PTPN9: variants seen among roughly 807,000 people sequenced by gnomAD.
PTPN9 encodes protein tyrosine phosphatase non-receptor type 9.
A neutral mutation model predicts 69.8 loss-of-function variants in PTPN9; 26 were observed. The ratio of observed to expected loss-of-function variants is 0.37; its 90% CI spans 0.27 to 0.52. The LOEUF is 0.52. PTPN9 is among the 20% of genes least tolerant of loss of function. The pLI is 0.91. For missense variants in PTPN9, 549 were observed against 740.3 expected, an observed-to-expected ratio of 0.74 and a Z score of 3.00; for synonymous variants, 274 against 272.5, an observed-to-expected ratio of 1.01 and a Z score of -0.05.
intron 5 of PTPN9, among the ~76,000 whole-genome samples, chr15:75,516,880 G>A (rs761390748): frequency 6.6e-6 from 1 of 151,578 alleles, no homozygotes; most frequent in East Asian, 1.9e-4. Flanking sequence ...GAGTACCTGG[G>A]ACTATAGGCA....
chr15:75,497,490 C>T (rs1488420785), intron 7 of PTPN9, among the ~76,000 whole-genome samples: 1 of 152,092 alleles, frequency 6.6e-6, no homozygotes, highest in African/African-American at 2.4e-5. Flanking sequence ...AGAGCAAGAA[C>T]ACATGTCTCT....
At chr15:75,522,133 C>G (rs2074908020) in intron 4 of PTPN9, among the ~76,000 whole-genome samples, 1 of 152,032 alleles carries the variant, frequency 6.6e-6, no homozygotes, top group South Asian at 2.1e-4. Context: ...ATAACTCTGC[C>G]CAAGAGTGAA....
In PTPN9 at chr15:75,535,143, G is replaced by C. The variant is rs181607641; in HGVS notation, c.64-7882C>G. The stretch of plus-strand genomic sequence containing the variant: ...TCCTGAGTAGCTGGGACTACAGGCG[G>C]CCGCCACCATGCCTGGCTATTTTTT... On this transcript the variant is annotated intron_variant, in intron 1 of 12. Coordinates refer to ENST00000618819, the MANE Select transcript of PTPN9 (RefSeq NM_002833.4). 8.7e-4 allele frequency among the ~76,000 whole-genome samples: 132 copies of C among 151,698 alleles called. 2 individuals carry two copies. The highest frequency in any genetic ancestry group is 3.1e-3 in the African/African-American group (128 of 41,418).
intron 1 of PTPN9, 48 bp downstream of exon 1, chr15:75,578,666 C>T: frequency 1.5e-6 from 2 of 1,310,352 alleles, no homozygotes; most frequent in Non-Finnish European, 2.0e-6. Flanking sequence ...CCGGCGTAGG[C>T]CTCGGGGGCC....
chr15:75,565,622 G>C (rs1439664621), intron 1 of PTPN9, among the ~76,000 whole-genome samples: 1 of 152,132 alleles, frequency 6.6e-6, no homozygotes, highest in South Asian at 2.1e-4. Context: ...TAGGGAACCA[G>C]AGATAAACAA....
At chr15:75,552,429 A>G (rs1352869968) in intron 1 of PTPN9, among the ~76,000 whole-genome samples, 1 of 152,010 alleles carries the variant, frequency 6.6e-6, no homozygotes, top group Non-Finnish European at 1.5e-5. Context: ...ACAAAACAAA[A>G]CAAAAAAACA....
chr15:75,487,330 AAAAAACT>A (rs1204520390), intron 8 of PTPN9: 2 of 151,728 alleles, frequency 1.3e-5, no homozygotes, highest in South Asian at 2.1e-4. Context: ...AATAATGTCA[AAAAAACT>A]AAAAACTAAA....
At chr15:75,469,531 A>G (rs1029324118) in intron 12 of PTPN9, among the ~76,000 whole-genome samples, 8 of 152,232 alleles carry the variant, frequency 5.3e-5, no homozygotes, top group African/African-American at 1.9e-4. Context: ...CTGCAGTGAC[A>G]GTTCTAACAG....
chr15:75,505,166 C>G lies in PTPN9; in HGVS notation c.968+509G>C, dbSNP rs543944895. Reference sequence around the variant, plus strand: ...TTGATCGGTGACCTTACCCCCAACCCTGTGCTCTCTGAAACATGTGCTGTG... The same window carrying G: ...TTGATCGGTGACCTTACCCCCAACCGTGTGCTCTCTGAAACATGTGCTGTG... On this transcript the variant is annotated intron_variant, in intron 7 of 12. Transcript: ENST00000618819. Among the ~76,000 whole-genome samples the G allele has an allele frequency of 5.9e-5, 9 of 151,284 alleles. No homozygotes were observed. The East Asian group carries it at 1.8e-3, about 29-fold the overall frequency.
rs116225300 is a variant in PTPN9 at position 75,469,809 on chromosome 15, G to A, written c.1550C>T (p.Ala517Val). The A allele has an allele frequency of 6.2e-7, 1 of 1,612,974 alleles. No homozygotes were observed. The highest frequency in any genetic ancestry group is 1.3e-5 in the African/African-American group (1 of 75,020). The change falls in exon 12 of 13, where the codon GCA (alanine) becomes GTA (valine). Residue 517 changes from alanine (A) to valine (V), a missense_variant. By Grantham distance (64) the Ala-to-Val change is moderately conservative. Transcript: ENST00000618819. ...PEPPIVVHCS[A>V]GIGRTGTFCS... ...TGCGTTACCTGTCCTGCCAATGCCT[G>A]CACTGCAATGGACCACAATGGGTGG...
intron 7 of PTPN9, among the ~76,000 whole-genome samples, chr15:75,501,464 C>CTTT (rs745478766): frequency 8.2e-6 from 1 of 122,170 alleles, no homozygotes; most frequent in Non-Finnish European, 1.8e-5. Flanking sequence ...TTCTTTCTTT[C>CTTT]TTTTTTTTTT....
At chr15:75,527,347 C>A in intron 1 of PTPN9, 86 bp from the exon 2 acceptor site, 2 of 1,476,900 alleles carry the variant, frequency 1.4e-6, no homozygotes, top group Non-Finnish European at 1.8e-6. Flanking sequence ...ACTATCATCC[C>A]TTCTCCAAGC....
In PTPN9 at chr15:75,559,219, C is replaced by T. The variant is rs1445355198; in HGVS notation, c.63+19495G>A. Among the ~76,000 whole-genome samples the T allele has an allele frequency of 2.0e-5, 3 of 152,128 alleles. No individual in the cohort carries two copies. In the East Asian group the frequency reaches 5.8e-4, roughly 29 times the overall value. ...GAGCCCCTCCGCCCGGCAGCCGCCCCGTCTAAGAAGTGAGGATCCCCTCTG... is the reference window on the plus strand; with the variant it reads ...GAGCCCCTCCGCCCGGCAGCCGCCCTGTCTAAGAAGTGAGGATCCCCTCTG... On this transcript the variant is annotated intron_variant, in intron 1 of 12. Coordinates refer to ENST00000618819, the MANE Select transcript of PTPN9 (RefSeq NM_002833.4).
intron 7 of PTPN9, among the ~76,000 whole-genome samples, chr15:75,496,326 G>C (rs995141066): frequency 1.3e-5 from 2 of 150,520 alleles, no homozygotes; most frequent in Non-Finnish European, 3.0e-5. Context: ...TTTCATAGTA[G>C]CCCATGTAGC....
intron 7 of PTPN9, 97 bp from the exon 8 acceptor site, chr15:75,490,398 T>C: frequency 1.2e-6 from 1 of 820,834 alleles, no homozygotes; most frequent in South Asian, 1.4e-5. Context: ...CAATTACTCT[T>C]AGGGGTGGAG....
At chr15:75,501,468 T>C (rs544242782) in intron 7 of PTPN9, among the ~76,000 whole-genome samples, 56 of 150,600 alleles carry the variant, frequency 3.7e-4, no homozygotes, top group East Asian at 3.7e-3. Context: ...TTCTTTCTTT[T>C]TTTTTTTTTT....
intron 4 of PTPN9, among the ~76,000 whole-genome samples, chr15:75,520,764 C>T (rs1163462886): frequency 2.6e-5 from 4 of 152,008 alleles, no homozygotes; most frequent in South Asian, 2.1e-4. Context: ...GATCCACCCC[C>T]TTGGACTCCC....
At chr15:75,564,971 C>T (rs2075120450) in intron 1 of PTPN9, among the ~76,000 whole-genome samples, 2 of 151,046 alleles carry the variant, frequency 1.3e-5, no homozygotes, top group South Asian at 2.1e-4. Flanking sequence ...CGTGGTGGCA[C>T]GTGCCTGTAA....
chr15:75,501,025 G>A (rs2074769830), intron 7 of PTPN9, among the ~76,000 whole-genome samples: 1 of 152,114 alleles, frequency 6.6e-6, no homozygotes, highest in Admixed American at 6.6e-5. Flanking sequence ...GTTGATATAT[G>A]GTCTGTGTCC....
Sources: allele counts gnomAD v4.1 joint callset (sites outside exome capture counted in the v4.1 genomes callset), GRCh38; gene constraint gnomAD v4.1.1; transcripts MANE v1.5; gene names NCBI Gene and HGNC (gene_info 2026-07-23, HGNC 2026-07-21).